Variants in SYNJ2BP observed in about 807,000 individuals in gnomAD.
The protein encoded by SYNJ2BP is synaptojanin 2 binding protein.
Under a neutral mutation model 16.9 loss-of-function variants are expected in SYNJ2BP, and 10 were observed. That is an observed-to-expected ratio of 0.59 (90% CI 0.36 to 1.00). SYNJ2BP has a LOEUF of 1.00. Ranked by LOEUF, SYNJ2BP falls within the 50% of genes least tolerant of loss-of-function variation. The pLI is 0.01. For synonymous variants in SYNJ2BP, 54 were observed against 68.4 expected (o/e 0.79, Z 1.04); for missense variants, 162 against 186.7 (o/e 0.87, Z 0.77).
intron 1 of SYNJ2BP, among the ~76,000 whole-genome samples, chr14:70,399,507 C>T (rs1888186592): frequency 6.6e-6 from 1 of 152,174 alleles, no homozygotes; most frequent in African/African-American, 2.4e-5. Flanking sequence ...GGGGATGGGT[C>T]CTGCCTGGCC....
At chr14:70,416,706 T>C (rs181607213) in intron 1 of SYNJ2BP, among the ~76,000 whole-genome samples, 194 bp downstream of exon 1, 67 of 152,296 alleles carry the variant, frequency 4.4e-4, no homozygotes, top group African/African-American at 1.3e-3. Context: ...GATTTTGAGG[T>C]GGATTCCTCA....
intron 1 of SYNJ2BP, among the ~76,000 whole-genome samples, chr14:70,412,631 A>ATATATACAGTATATATATGTATGTGT (rs1235982664): frequency 6.7e-6 from 1 of 149,320 alleles, no homozygotes; most frequent in Admixed American, 6.7e-5. Context: ...TATATATAGT[A>ATATATACAGTATATATATGTATGTGT]ACTAGCACAC....
chr14:70,413,371 G>A (rs1888530645), intron 1 of SYNJ2BP, among the ~76,000 whole-genome samples: 1 of 152,204 alleles, frequency 6.6e-6, no homozygotes. Flanking sequence ...GGGCGGGGTG[G>A]CTCACGCCTG....
intron 1 of SYNJ2BP, among the ~76,000 whole-genome samples, chr14:70,394,181 C>T (rs1023283226): frequency 6.6e-6 from 1 of 151,780 alleles, no homozygotes; most frequent in African/African-American, 2.4e-5. Flanking sequence ...CATAACACAA[C>T]ACCTCCCTAT....
intron 1 of SYNJ2BP, among the ~76,000 whole-genome samples, chr14:70,411,088 A>G (rs1197756345): frequency 1.3e-5 from 2 of 152,226 alleles, no homozygotes; most frequent in African/African-American, 2.4e-5. Context: ...AGGAGGAGAC[A>G]TAAGTGAGAA....
Position 70,371,445 on chromosome 14 carries a change from C to T in SYNJ2BP, c.*1546G>A, listed in dbSNP as rs566792938. On this transcript the variant is annotated 3_prime_UTR_variant, in exon 4 of 4. Coordinates refer to ENST00000256366, the MANE Select transcript of SYNJ2BP (RefSeq NM_018373.3). The stretch of plus-strand genomic sequence containing the variant: ...TTTCTTTTTTTGAGATGGAGTCTTG[C>T]TCTGTAGCCCAGGCTGGAGTGCAGT... 6.6e-6 allele frequency: 1 copy of T among 152,588 alleles called. No individual in the cohort carries two copies. Among genetic ancestry groups the T allele is most frequent in the African/African-American group, 2.4e-5 (1 of 41,578 alleles). 9.5% of individuals were successfully genotyped at this position (152,588 alleles called of 1,614,324 possible).
At chr14:70,397,230 A>C (rs1183718873) in intron 1 of SYNJ2BP, among the ~76,000 whole-genome samples, 1 of 152,156 alleles carries the variant, frequency 6.6e-6, no homozygotes, top group Non-Finnish European at 1.5e-5. Context: ...CGTATGTTAA[A>C]AATGTGTACT....
Position 70,417,046 on chromosome 14 carries a change from A to G in SYNJ2BP, c.-83T>C, listed in dbSNP as rs1239624281. The G allele has an allele frequency of 3.7e-6, 6 of 1,606,390 alleles. No homozygotes were observed. The highest frequency in any genetic ancestry group is 5.1e-6 in the Non-Finnish European group (6 of 1,175,040). The stretch of plus-strand genomic sequence containing the variant: ...GTGAATCAATCTCGGCGCTGCGCCC[A>G]CAGCACAGCGGTTTCGGTTTCAGCA... On this transcript the variant is annotated 5_prime_UTR_variant, in exon 1 of 4. Transcript: ENST00000256366.
chr14:70,368,385 A>G lies in SYNJ2BP; in HGVS notation c.*4606T>C, dbSNP rs1355417034. 6.6e-6 allele frequency: 1 copy of G among 152,258 alleles called. No individual in the cohort carries two copies. Among genetic ancestry groups the G allele is most frequent in the Non-Finnish European group, 1.5e-5 (1 of 68,032 alleles). 9.4% of individuals were successfully genotyped at this position (152,258 alleles called of 1,614,324 possible). On this transcript the variant is annotated 3_prime_UTR_variant, in exon 4 of 4. Transcript: ENST00000256366. ...GTGTATTCATGTAGTGAATATATTC[A>G]AGACATAAATATGAGACAGAAAGGT...
chr14:70,391,127 A>G (rs946024094), intron 1 of SYNJ2BP, among the ~76,000 whole-genome samples: 3 of 152,192 alleles, frequency 2.0e-5, no homozygotes, highest in African/African-American at 7.2e-5. Flanking sequence ...CCCCATCTCA[A>G]AAATAAAATA....
chr14:70,383,677 A>C (rs1246198789), intron 2 of SYNJ2BP, among the ~76,000 whole-genome samples: 2 of 152,162 alleles, frequency 1.3e-5, no homozygotes, highest in Non-Finnish European at 2.9e-5. Context: ...GGAATGAGAA[A>C]CTTAGTTCAC....
chr14:70,369,063 T>G lies in SYNJ2BP; in HGVS notation c.*3928A>C, dbSNP rs1887458551. On this transcript the variant is annotated 3_prime_UTR_variant, in exon 4 of 4. Transcript: ENST00000256366. ...GCCACGCTCAGAGTTTTTGATTCAC[T>G]AGGTCTGGAACTTCTTTTTTCTCTT... 1 of 152,230 alleles carries G rather than the reference T, an allele frequency of 6.6e-6. No individual in the cohort carries two copies. The highest frequency in any genetic ancestry group is 2.4e-5 in the African/African-American group (1 of 41,462). 9.4% of individuals were successfully genotyped at this position (152,230 alleles called of 1,614,324 possible).
At chr14:70,385,559 T>C (rs1488090934) in intron 2 of SYNJ2BP, among the ~76,000 whole-genome samples, 1 of 151,962 alleles carries the variant, frequency 6.6e-6, no homozygotes, top group East Asian at 1.9e-4. Flanking sequence ...TTTTTTTTTT[T>C]TAGTAGAGAC....
rs1887406244 is a variant in SYNJ2BP at position 70,367,149 on chromosome 14, A to T, written c.*5842T>A. On this transcript the variant is annotated 3_prime_UTR_variant, in exon 4 of 4. Coordinates refer to ENST00000256366, the MANE Select transcript of SYNJ2BP (RefSeq NM_018373.3). ...TGAACAGTGAGGAAAACCTGGAAAC[A>T]GGACCGAGTGTTTGCTATCACTTGA... 6.6e-6 allele frequency: 1 copy of T among 152,238 alleles called. No individual in the cohort carries two copies. The highest frequency in any genetic ancestry group is 1.5e-5 in the Non-Finnish European group (1 of 68,044). The allele number at this position is 152,238 out of a possible 1,614,324, so 9.4% of individuals were successfully genotyped here. A position where few individuals can be genotyped will look rare whatever the true frequency, so the allele number is the denominator to read the frequency against.
Position 70,399,690 on chromosome 14 carries a change from T to C in SYNJ2BP, c.65-11084A>G, listed in dbSNP as rs146447286. Among the ~76,000 whole-genome samples, 17 of 152,334 alleles carry C rather than the reference T, an allele frequency of 1.1e-4. No homozygotes were observed. The East Asian group carries it at 3.1e-3, about 28-fold the overall frequency. On this transcript the variant is annotated intron_variant, in intron 1 of 3. Coordinates refer to ENST00000256366, the MANE Select transcript of SYNJ2BP (RefSeq NM_018373.3). ...CCCCCTCTGAAGAGGAACATCTAAC[T>C]GCTGTTAAGATAGGGACGATGACTG...
chr14:70,399,306 G>A (rs560084015), intron 1 of SYNJ2BP, among the ~76,000 whole-genome samples: 8 of 152,278 alleles, frequency 5.3e-5, no homozygotes, highest in South Asian at 4.1e-4. Context: ...TCTCGGCCTC[G>A]CCCCATAGCG....
chr14:70,416,458 G>C (rs1888610999), intron 1 of SYNJ2BP, among the ~76,000 whole-genome samples: 1 of 151,820 alleles, frequency 6.6e-6, no homozygotes, highest in Non-Finnish European at 1.5e-5. Flanking sequence ...AGAAATCAAA[G>C]GAGCGAGGGA....
intron 1 of SYNJ2BP, among the ~76,000 whole-genome samples, chr14:70,402,355 A>G (rs988700306): frequency 2.0e-5 from 3 of 152,198 alleles, no homozygotes; most frequent in Non-Finnish European, 4.4e-5. Context: ...TTAAACATTT[A>G]GGTAAGAAAG....
intron 1 of SYNJ2BP, among the ~76,000 whole-genome samples, chr14:70,414,114 A>G (rs1386748379): frequency 6.6e-6 from 1 of 152,190 alleles, no homozygotes; most frequent in Non-Finnish European, 1.5e-5. Context: ...GAAAAGCTGA[A>G]TTAGACCCTG....
Sources: gnomAD v4.1 joint callset for allele counts (sites outside exome capture counted in the v4.1 genomes callset) on GRCh38, gnomAD v4.1.1 for gene constraint, MANE v1.5 for transcripts, NCBI Gene and HGNC (gene_info 2026-07-23, HGNC 2026-07-21) for gene names.